Variants in EPHA6 observed in about 807,000 individuals in gnomAD.
The protein encoded by EPHA6 is EPH receptor A6.
Under a neutral mutation model 112.0 loss-of-function variants are expected in EPHA6, and 50 were observed. That is an observed-to-expected ratio of 0.45 (90% CI 0.36 to 0.56). The LOEUF (loss-of-function observed/expected upper bound fraction) is 0.56. Among genes scored for constraint, EPHA6 ranks in the 20% least tolerant of loss-of-function variants. The pLI, the probability that EPHA6 is intolerant of heterozygous loss-of-function variation, is 0.00. For missense variants in EPHA6, 1,280 were observed against 1,417.4 expected (o/e 0.90, Z 1.56); for synonymous variants, 529 against 490.7 (o/e 1.08, Z -1.03).
intron 10 of EPHA6, among the ~76,000 whole-genome samples, chr3:97,509,591 C>T (rs763359969): frequency 3.3e-5 from 5 of 152,078 alleles, no homozygotes; most frequent in African/African-American, 9.7e-5. Context: ...GTGGGTAGCC[C>T]GACCTTTCTC....
chr3:97,084,462 C>T (rs962104527), intron 3 of EPHA6, among the ~76,000 whole-genome samples: 4 of 151,868 alleles, frequency 2.6e-5, no homozygotes, highest in Admixed American at 2.0e-4. Context: ...GAGTACTTTG[C>T]GTTTTGCACA....
At chr3:97,530,002 AT>A (rs1191102016) in intron 10 of EPHA6, among the ~76,000 whole-genome samples, 6 of 152,208 alleles carry the variant, frequency 3.9e-5, no homozygotes, top group African/African-American at 1.4e-4. Context: ...AAAAAATCAT[AT>A]GGATTATGGG....
intron 2 of EPHA6, among the ~76,000 whole-genome samples, chr3:96,888,208 T>C (rs1388437658): frequency 6.6e-6 from 1 of 152,132 alleles, no homozygotes; most frequent in Non-Finnish European, 1.5e-5. Flanking sequence ...ATCCCTGTGG[T>C]GCCAGGCAGG....
chr3:97,033,480 A>G (rs2044957925), intron 3 of EPHA6, among the ~76,000 whole-genome samples: 1 of 151,956 alleles, frequency 6.6e-6, no homozygotes, highest in Admixed American at 6.6e-5. Context: ...TCACATAGAG[A>G]TATTCAAAAC....
rs138308466 is a variant in EPHA6, at chr3:97,422,598, T to C, written c.1731+17324T>C. On this transcript the variant is annotated intron_variant, in intron 6 of 17. Transcript: ENST00000389672. ...CTTGACGAAATGGACCTAACAGGTA[T>C]CTACAGAGCATCCACTGAACAACAT... 3.3e-3 allele frequency among the ~76,000 whole-genome samples: 508 copies of C among 152,296 alleles called. 2 individuals carry two copies. The highest frequency in any genetic ancestry group is 9.2e-3 in the African/African-American group (384 of 41,576).
intron 2 of EPHA6, among the ~76,000 whole-genome samples, chr3:96,869,629 T>C (rs750406966): frequency 1.3e-5 from 2 of 152,026 alleles, no homozygotes; most frequent in Non-Finnish European, 2.9e-5. Context: ...TTTCACTAAG[T>C]TGAGGTAGAT....
rs756618750 is a variant in EPHA6, at chr3:97,244,265, T to C, written c.1584T>C (p.Ile528=). The change falls in exon 5 of 18, where the codon ATT becomes ATC. Residue 528 remains isoleucine (I), a synonymous_variant. Coordinates refer to ENST00000389672, the MANE Select transcript of EPHA6 (RefSeq NM_001080448.3). ...TTTCTCCCAAGCCATTCACAGCTAT[T>C]ACAGTGACCACGGATCAAGATGGTA... ...LSFSPKPFTA[I]TVTTDQDAPS... The C allele has an allele frequency of 6.2e-7, 1 of 1,613,230 alleles. No homozygotes were observed. Among genetic ancestry groups the C allele is most frequent in the South Asian group, 1.1e-5 (1 of 91,068 alleles).
At chr3:97,401,098 A>T (rs201888959) in intron 5 of EPHA6, among the ~76,000 whole-genome samples, 1 of 151,706 alleles carries the variant, frequency 6.6e-6, no homozygotes, top group Non-Finnish European at 1.5e-5. Flanking sequence ...TTCCTTCTAT[A>T]CCTAATTTGT....
At chr3:96,862,233 G>A (rs1170547893) in intron 1 of EPHA6, among the ~76,000 whole-genome samples, 7 of 151,774 alleles carry the variant, frequency 4.6e-5, no homozygotes, top group Non-Finnish European at 8.8e-5. Flanking sequence ...TTGTTTATTG[G>A]TGTTTTTTAA....
intron 3 of EPHA6, among the ~76,000 whole-genome samples, chr3:97,089,992 G>A (rs1479855654): frequency 1.3e-5 from 2 of 152,004 alleles, no homozygotes; most frequent in Non-Finnish European, 2.9e-5. Context: ...ACTGAGTAGT[G>A]TGCTGCAATT....
At chr3:97,735,853 T>TA in intron 15 of EPHA6, 72 bp from the exon 16 acceptor site, 5 of 1,216,376 alleles carry the variant, frequency 4.1e-6, no homozygotes, top group East Asian at 2.5e-5. Context: ...CTTCTGCTTG[T>TA]AAAAAAAGAA....
At chr3:96,877,929 A>G (rs543282985) in intron 2 of EPHA6, among the ~76,000 whole-genome samples, 1 of 128,518 alleles carries the variant, frequency 7.8e-6, no homozygotes, top group Admixed American at 7.6e-5. Context: ...ATATATATAT[A>G]TTTTTTTTTT....
At chr3:97,728,730 G>C (rs1484639525) in intron 15 of EPHA6, among the ~76,000 whole-genome samples, 1 of 152,108 alleles carries the variant, frequency 6.6e-6, no homozygotes, top group Non-Finnish European at 1.5e-5. Context: ...TTGCCCAAAG[G>C]CAGAGCTTGG....
chr3:97,650,327 A>G (rs959325802), intron 14 of EPHA6, among the ~76,000 whole-genome samples: 2 of 152,114 alleles, frequency 1.3e-5, no homozygotes, highest in Admixed American at 6.6e-5. Context: ...TGAACTGACA[A>G]TGGCAGATGT....
At chr3:96,872,978 T>A (rs2107478871) in intron 2 of EPHA6, among the ~76,000 whole-genome samples, 1 of 152,156 alleles carries the variant, frequency 6.6e-6, no homozygotes, top group South Asian at 2.1e-4. Flanking sequence ...CATTTGATAT[T>A]CCCATTACAC....
At chr3:97,488,843 A>G (rs1204834150) in intron 10 of EPHA6, among the ~76,000 whole-genome samples, 2 of 152,232 alleles carry the variant, frequency 1.3e-5, no homozygotes, top group Non-Finnish European at 2.9e-5. Context: ...GAATAAGATC[A>G]ACAACAGATT....
intron 3 of EPHA6, among the ~76,000 whole-genome samples, chr3:97,068,156 A>G (rs1048848256): frequency 1.6e-5 from 2 of 121,346 alleles, no homozygotes; most frequent in African/African-American, 9.9e-5. Context: ...CTCCATCTCA[A>G]AAAAAAAAGA....
At position 97,244,187 on chromosome 3, in the gene EPHA6, C is replaced by G; in HGVS notation, c.1506C>G (p.His502Gln). ...TGATAGTACTTGACTTTGTGTCTCACGTGAATTACACCTTTGAAATAGAAG... is the reference window on the plus strand; with the variant it reads ...TGATAGTACTTGACTTTGTGTCTCAGGTGAATTACACCTTTGAAATAGAAG... ...NSVIVLDFVS[H>Q]VNYTFEIEAM... The change falls in exon 5 of 18, where the codon CAC becomes CAG. Residue 502 changes from histidine to glutamine, a missense_variant. His to Gln is a conservative substitution (Grantham distance 24). Around this residue, in one of 4 missense-constraint regions of EPHA6, gnomAD observed 878 missense variants for 999.7 expected, o/e 0.88. Coordinates refer to ENST00000389672, the MANE Select transcript of EPHA6 (RefSeq NM_001080448.3). 6.2e-7 allele frequency: 1 copy of G among 1,613,162 alleles called. No individual in the cohort carries two copies. The highest frequency in any genetic ancestry group is 1.1e-5 in the South Asian group (1 of 91,066).
intron 12 of EPHA6, among the ~76,000 whole-genome samples, chr3:97,603,764 A>G (rs573564783): frequency 6.6e-6 from 1 of 152,068 alleles, no homozygotes; most frequent in African/African-American, 2.4e-5. Flanking sequence ...AAATACTCAT[A>G]TAAATTGTTT....
Sources: gnomAD v4.1 joint callset for allele counts (sites outside exome capture counted in the v4.1 genomes callset) on GRCh38, gnomAD v4.1.1 for gene constraint, gnomAD v4.1.1 regional missense constraint, MANE v1.5 for transcripts, NCBI Gene and HGNC (gene_info 2026-07-23, HGNC 2026-07-21) for gene names.